AHNAK: variants seen among roughly 807,000 people sequenced by gnomAD.
The protein encoded by AHNAK is AHNAK nucleoprotein.
A neutral mutation model predicts 37.8 loss-of-function variants in AHNAK; 23 were observed. The observed-to-expected ratio is 0.61, with a 90% CI of 0.44 to 0.86. The LOEUF (loss-of-function observed/expected upper bound fraction) is 0.86. AHNAK is among the 40% of genes least tolerant of loss of function. The pLI, the probability that AHNAK is intolerant of heterozygous loss-of-function variation, is 0.00. For synonymous variants in AHNAK, 2,481 were observed against 2,636.3 expected, an observed-to-expected ratio of 0.94 and a Z score of 1.80; for missense variants, 7,411 against 7,319.4, an observed-to-expected ratio of 1.01 and a Z score of -0.46.
At position 62,524,625 on chromosome 11, in the gene AHNAK, A is replaced by G; in HGVS notation, c.9792T>C (p.Ala3264=). 1 of 1,614,170 alleles carries G rather than the reference A, an allele frequency of 6.2e-7. No homozygotes were observed. The highest frequency in any genetic ancestry group is 2.2e-5 in the East Asian group (1 of 44,878). The change falls in exon 5 of 5, where the codon GCT becomes GCC. Residue 3264 remains alanine, a synonymous_variant. Coordinates refer to ENST00000378024, the MANE Select transcript of AHNAK (RefSeq NM_001620.3). ...DIKGPKIDVD[A]PDIDIHGPDA... ...CTGGGCCATGAATGTCAATATCTGG[A>G]GCATCTACATCTATCTTTGGGCCTT...
Position 62,522,817 on chromosome 11 carries a change from T to C in AHNAK, c.11600A>G (p.Asn3867Ser). ...CATGGAGATCTTGGGGGCTTTGATGTTCATCTCAGGCATCTTGAATTTGGG... is the reference window on the plus strand; with the variant it reads ...CATGGAGATCTTGGGGGCTTTGATGCTCATCTCAGGCATCTTGAATTTGGG... The part of the protein sequence containing the change: ...KGPKFKMPEM[N>S]IKAPKISMPD... The change falls in exon 5 of 5, where the codon AAC (asparagine) becomes AGC (serine). Residue 3867 changes from asparagine (N) to serine (S), a missense_variant. Transcript: ENST00000378024. 6.2e-7 allele frequency: 1 copy of C among 1,613,836 alleles called. No homozygotes were observed. The highest frequency in any genetic ancestry group is 8.5e-7 in the Non-Finnish European group (1 of 1,179,978).
chr11:62,484,011 T>C (rs1241431235), intron 5 of AHNAK, among the ~76,000 whole-genome samples: 5 of 119,610 alleles, frequency 4.2e-5, no homozygotes, highest in African/African-American at 1.6e-4. Flanking sequence ...CACTCCAGCC[T>C]GGGCAACAGA....
rs1460665686 is a variant in AHNAK at position 62,524,976 on chromosome 11, G to A, written c.9441C>T (p.His3147=). 1.2e-6 allele frequency: 2 copies of A among 1,613,548 alleles called. No individual in the cohort carries two copies. Among genetic ancestry groups the A allele is most frequent in the South Asian group, 1.1e-5 (1 of 91,064 alleles). ...PDVDVQGPDW[H]LKMPKIKMPK... ...GCATTTTTATTTTAGGCATCTTCAG[G>A]TGCCAGTCTGGGCCTTGAACATCCA... The change falls in exon 5 of 5, where the codon CAC becomes CAT. Residue 3147 remains histidine (H), a synonymous_variant. Coordinates refer to ENST00000378024, the MANE Select transcript of AHNAK (RefSeq NM_001620.3).
rs558146514 is a variant in AHNAK, at chr11:62,447,168, T to C, written c.443-13277A>G. 7.2e-5 allele frequency among the ~76,000 whole-genome samples: 11 copies of C among 152,206 alleles called. No homozygotes were observed. In the South Asian group the frequency reaches 2.3e-3, roughly 32 times the overall value. On this transcript the variant is annotated intron_variant, in intron 5 of 5. Transcript: ENST00000257247. ...GCATCAATTAACCCAGCAGAAAAAC[T>C]CTTCCTTATGAAATGTGCTAATGGC...
chr11:62,454,926 ATTTAT>A (rs1938623930), intron 5 of AHNAK, among the ~76,000 whole-genome samples: 2 of 87,744 alleles, frequency 2.3e-5, no homozygotes, highest in Admixed American at 1.5e-4. Flanking sequence ...CTTTTTATTT[ATTTAT>A]TTTTTTTTTT....
At chr11:62,482,246 C>G (rs1254142840) in intron 5 of AHNAK, among the ~76,000 whole-genome samples, 2 of 152,140 alleles carry the variant, frequency 1.3e-5, no homozygotes, top group African/African-American at 2.4e-5. Flanking sequence ...GAAACCCCAT[C>G]TCTACTAAAA....
chr11:62,452,304 G>A (rs2509984), intron 5 of AHNAK, among the ~76,000 whole-genome samples: 27,811 of 152,162 alleles, frequency 0.18, 4,305 homozygotes, highest in African/African-American at 0.42. Context: ...GAGGGAAACT[G>A]AGGCTAAGGA....
rs1424436496 is a variant in AHNAK, at chr11:62,516,091, C to G, written c.*653G>C. The G allele has an allele frequency of 1.2e-5, 15 of 1,235,386 alleles. No homozygotes were observed. The highest frequency in any genetic ancestry group is 1.6e-5 in the Non-Finnish European group (15 of 959,578). 76.5% of individuals were successfully genotyped at this position (1,235,386 alleles called of 1,614,324 possible). A position where few individuals can be genotyped will look rare whatever the true frequency, so the allele number is the denominator to read the frequency against. On this transcript the variant is annotated 3_prime_UTR_variant, in exon 5 of 5. Coordinates refer to ENST00000378024, the MANE Select transcript of AHNAK (RefSeq NM_001620.3). ...CCTTACAAAACACAGAAAATGGAAG[C>G]CCCTCATGTTGAGGGGGTGGGTTGG...
In AHNAK at chr11:62,517,124, T is replaced by A. The variant is rs748897212; in HGVS notation, c.17293A>T (p.Lys5765Ter). 6.2e-7 allele frequency: 1 copy of A among 1,613,012 alleles called. No individual in the cohort carries two copies. Among genetic ancestry groups the A allele is most frequent in the African/African-American group, 1.3e-5 (1 of 74,858 alleles). ...CTTTTAAATAAGGAGAATTTGCCTTTCGGTGAAGAGGCTTCGGCCTCTGCC... is the reference window on the plus strand; with the variant it reads ...CTTTTAAATAAGGAGAATTTGCCTTACGGTGAAGAGGCTTCGGCCTCTGCC... ...GEAEAEASSPKGKFSLFKSKK... is the reference protein window; with the variant it reads ...GEAEAEASSP The change falls in exon 5 of 5, where the codon AAA becomes TAA. Residue 5765 changes from lysine to a stop codon, truncating the protein, a stop_gained. Coordinates refer to ENST00000378024, the MANE Select transcript of AHNAK (RefSeq NM_001620.3). LOFTEE classifies it high-confidence loss of function.
At position 62,533,449 on chromosome 11, in the gene AHNAK, T is replaced by C; in HGVS notation, c.968A>G (p.Gln323Arg). The C allele has an allele frequency of 1.2e-6, 2 of 1,614,044 alleles. No individual in the cohort carries two copies. Among genetic ancestry groups the C allele is most frequent in the Non-Finnish European group, 1.7e-6 (2 of 1,179,924 alleles). Residue 323 changes from glutamine (Q) to arginine (R), a missense_variant, in exon 5 of 5, where the codon CAG (glutamine) becomes CGG (arginine). Physicochemically the swap from Gln to Arg is conservative, Grantham distance 43. Transcript: ENST00000378024. ...KFGVSTGREG[Q>R]TPKAGLRVSA... ...AACCCTCAGCCCTGCCTTTGGTGTC[T>C]GGCCCTCACGCCCTGTTGAGACACC...
intron 5 of AHNAK, among the ~76,000 whole-genome samples, chr11:62,490,753 G>A (rs982392852): frequency 3.9e-5 from 6 of 152,048 alleles, no homozygotes; most frequent in African/African-American, 1.4e-4. Context: ...ACAAAATGTT[G>A]AGAGGCCATA....
rs1940143321 is a variant in AHNAK, at chr11:62,519,296, C to T, written c.15121G>A (p.Gly5041Arg). The T allele has an allele frequency of 6.2e-7, 1 of 1,613,994 alleles. No homozygotes were observed. Among genetic ancestry groups the T allele is most frequent in the African/African-American group, 1.3e-5 (1 of 74,894 alleles). Residue 5041 changes from glycine to arginine, a missense_variant, in exon 5 of 5, where the codon GGA becomes AGA. Transcript: ENST00000378024. Reference protein sequence around the residue: ...SGPKIKAKKQGFDLNVPGGEI... With the variant: ...SGPKIKAKKQRFDLNVPGGEI... ...CCCCCAGGAACATTCAGGTCAAATC[C>T]CTGTTTTTTGGCCTTAATCTTAGGA...
chr11:62,484,097 C>G (rs1425480498), intron 5 of AHNAK, among the ~76,000 whole-genome samples: 1 of 150,568 alleles, frequency 6.6e-6, no homozygotes, highest in Non-Finnish European at 1.5e-5. Context: ...GAAGGGATGG[C>G]TGGGTGCAAT....
chr11:62,479,456 C>A (rs1166456975), intron 5 of AHNAK, among the ~76,000 whole-genome samples: 1 of 105,822 alleles, frequency 9.4e-6, no homozygotes, highest in Admixed American at 1.3e-4. Flanking sequence ...CGTGAGCTAC[C>A]CTGCCCAGCC....
At chr11:62,488,159 G>A (rs1005818926) in intron 5 of AHNAK, among the ~76,000 whole-genome samples, 2 of 152,124 alleles carry the variant, frequency 1.3e-5, no homozygotes, top group Non-Finnish European at 2.9e-5. Flanking sequence ...GTAAATAAAC[G>A]TTCATTGAAT....
intron 5 of AHNAK, among the ~76,000 whole-genome samples, chr11:62,491,002 G>C (rs1401745324): frequency 6.6e-6 from 1 of 152,080 alleles, no homozygotes; most frequent in Non-Finnish European, 1.5e-5. Flanking sequence ...TGGCTAGGCT[G>C]GTCTTGAACT....
intron 4 of AHNAK, among the ~76,000 whole-genome samples, chr11:62,505,243 A>G (rs952582870): frequency 6.6e-6 from 1 of 151,948 alleles, no homozygotes; most frequent in African/African-American, 2.4e-5. Context: ...TCTGTGTCCC[A>G]CGCCTCCAAC....
In AHNAK at chr11:62,542,939, C is replaced by G. The variant is rs545637697; in HGVS notation, c.-100+3721G>C. Among the ~76,000 whole-genome samples the G allele has an allele frequency of 5.9e-5, 9 of 152,320 alleles. No homozygotes were observed. The South Asian group carries it at 6.2e-4, about 11-fold the overall frequency. On this transcript the variant is annotated intron_variant, in intron 1 of 4. Coordinates refer to ENST00000378024, the MANE Select transcript of AHNAK (RefSeq NM_001620.3). ...GGGAGGGCGCTGCTTGCTCTCCCCC[C>G]AGCGGTCGGACCACGCTACTGCAGG...
intron 4 of AHNAK, among the ~76,000 whole-genome samples, chr11:62,496,651 C>T (rs1939614348): frequency 6.6e-6 from 1 of 151,944 alleles, no homozygotes; most frequent in Non-Finnish European, 1.5e-5. Flanking sequence ...AAAAGTTAGC[C>T]GGGCGTGGTG....
Sources: allele counts gnomAD v4.1 joint callset (sites outside exome capture counted in the v4.1 genomes callset), GRCh38; gene constraint gnomAD v4.1.1; transcripts MANE v1.5; gene names NCBI Gene and HGNC (gene_info 2026-07-23, HGNC 2026-07-21).